NCAM2: variants seen among roughly 807,000 people sequenced by gnomAD.
NCAM2 encodes the protein neural cell adhesion molecule 2.
NCAM2 carries 30 observed loss-of-function variants against 98.1 expected under a neutral mutation model. The observed-to-expected ratio is 0.31, with a 90% CI of 0.23 to 0.41. The LOEUF is 0.41. Among genes scored for constraint, NCAM2 ranks in the 10% least tolerant of loss-of-function variants. The pLI, the probability that NCAM2 is intolerant of heterozygous loss-of-function variation, is 1.00. For synonymous variants in NCAM2, 368 were observed against 342.4 expected (o/e 1.07, Z -0.83); for missense variants, 867 against 1,005.8 (o/e 0.86, Z 1.87).
chr21:21,121,442 G>T (rs1043595646), intron 1 of NCAM2, among the ~76,000 whole-genome samples: 2 of 152,088 alleles, frequency 1.3e-5, no homozygotes, highest in African/African-American at 4.8e-5. Flanking sequence ...AATAATTGAA[G>T]AAATTTTGCA....
At chr21:21,154,015 G>A (rs1266040900) in intron 1 of NCAM2, among the ~76,000 whole-genome samples, 2 of 151,766 alleles carry the variant, frequency 1.3e-5, no homozygotes, top group African/African-American at 4.8e-5. Context: ...TATGTGATAA[G>A]TGAAAAAAAT....
intron 5 of NCAM2, among the ~76,000 whole-genome samples, chr21:21,306,881 C>T (rs1330790227): frequency 6.8e-6 from 1 of 148,040 alleles, no homozygotes; most frequent in Admixed American, 6.8e-5. Flanking sequence ...TATCCTTGTA[C>T]TCTCTGTTCC....
At chr21:21,255,367 G>A (rs1216245660) in intron 1 of NCAM2, among the ~76,000 whole-genome samples, 1 of 152,302 alleles carries the variant, frequency 6.6e-6, no homozygotes, top group Non-Finnish European at 1.5e-5. Context: ...AAGGCTGCCC[G>A]TTTAATAAAG....
chr21:21,100,687 G>A (rs572507105), intron 1 of NCAM2, among the ~76,000 whole-genome samples: 171 of 152,112 alleles, frequency 1.1e-3, no homozygotes, highest in African/African-American at 4.0e-3. Context: ...TGGCTTGTGG[G>A]TGTAGTTGGC....
rs375610481 is a variant in NCAM2, at chr21:21,303,303, A to T, written c.619+11062A>T. On this transcript the variant is annotated intron_variant, in intron 5 of 17. Coordinates refer to ENST00000400546, the MANE Select transcript of NCAM2 (RefSeq NM_004540.5). ...AACTTTATGAAATGCTAAAAAAGAT[A>T]GTGACTATAGTGAATGTATCTATTA... Among the ~76,000 whole-genome samples the T allele has an allele frequency of 1.4e-4, 21 of 152,256 alleles. 1 individual carries two copies. In the South Asian group the frequency reaches 3.9e-3, roughly 29 times the overall value.
intron 1 of NCAM2, among the ~76,000 whole-genome samples, chr21:21,001,878 T>A (rs1429201452): frequency 6.6e-6 from 1 of 152,156 alleles, no homozygotes; most frequent in African/African-American, 2.4e-5. Flanking sequence ...GAAGTGCTAG[T>A]AAGTCATTGT....
chr21:21,149,867 A>C (rs920624809), intron 1 of NCAM2, among the ~76,000 whole-genome samples: 1 of 152,156 alleles, frequency 6.6e-6, no homozygotes, highest in South Asian at 2.1e-4. Context: ...ATAATGTTTC[A>C]ATAAACATAC....
At chr21:21,356,949 A>G (rs929094490) in intron 8 of NCAM2, among the ~76,000 whole-genome samples, 1 of 151,884 alleles carries the variant, frequency 6.6e-6, no homozygotes, top group Non-Finnish European at 1.5e-5. Flanking sequence ...AGATCGCGCC[A>G]TTGCACTCCA....
chr21:21,190,205 TAAA>T (rs1226588131), intron 1 of NCAM2, among the ~76,000 whole-genome samples: 1 of 152,158 alleles, frequency 6.6e-6, no homozygotes, highest in Non-Finnish European at 1.5e-5. Flanking sequence ...CCCTGGCTGT[TAAA>T]AAGTGAATAA....
chr21:21,426,416 G>C (rs112665947), intron 11 of NCAM2, among the ~76,000 whole-genome samples: 1 of 152,046 alleles, frequency 6.6e-6, no homozygotes, highest in Non-Finnish European at 1.5e-5. Flanking sequence ...TTACCAGATA[G>C]AAATTGATGA....
chr21:21,526,844 A>G (rs1053353499), intron 16 of NCAM2, among the ~76,000 whole-genome samples: 3 of 152,144 alleles, frequency 2.0e-5, no homozygotes, highest in African/African-American at 7.2e-5. Flanking sequence ...GTAAACTGAC[A>G]TGTCACACAT....
intron 9 of NCAM2, 70 bp from the exon 10 acceptor site, chr21:21,410,204 C>A: frequency 2.5e-6 from 2 of 804,038 alleles, no homozygotes; most frequent in Non-Finnish European, 1.8e-6. Flanking sequence ...ATAACTAATG[C>A]TTATACTACT....
At chr21:21,415,624 C>T (rs1176577593) in intron 10 of NCAM2, among the ~76,000 whole-genome samples, 1 of 152,196 alleles carries the variant, frequency 6.6e-6, no homozygotes, top group Non-Finnish European at 1.5e-5. Flanking sequence ...CGTGAGCCAC[C>T]TCGCCCGGCC....
intron 12 of NCAM2, among the ~76,000 whole-genome samples, chr21:21,452,971 T>TTTTTATA (rs1981485687): frequency 3.1e-5 from 1 of 32,138 alleles, no homozygotes; most frequent in African/African-American, 9.5e-5. Flanking sequence ...ATATTATATA[T>TTTTTATA]TATTATATAT....
intron 8 of NCAM2, among the ~76,000 whole-genome samples, chr21:21,368,778 A>T (rs1568987166): frequency 6.6e-6 from 1 of 151,834 alleles, no homozygotes; most frequent in Non-Finnish European, 1.5e-5. Flanking sequence ...CAACATATGA[A>T]CTTTGAGGGG....
At chr21:21,205,010 A>G (rs931886373) in intron 1 of NCAM2, among the ~76,000 whole-genome samples, 1 of 152,036 alleles carries the variant, frequency 6.6e-6, no homozygotes, top group Non-Finnish European at 1.5e-5. Context: ...GAGATATTTG[A>G]TGGAAGTTTC....
chr21:21,469,125 A>G (rs1984097677), intron 14 of NCAM2, among the ~76,000 whole-genome samples: 1 of 151,994 alleles, frequency 6.6e-6, no homozygotes, highest in South Asian at 2.1e-4. Context: ...GTCCCTGGCA[A>G]TCATATGTTA....
At chr21:21,067,682 A>G (rs1460518784) in intron 1 of NCAM2, among the ~76,000 whole-genome samples, 2 of 152,182 alleles carry the variant, frequency 1.3e-5, no homozygotes, top group Non-Finnish European at 2.9e-5. Flanking sequence ...ATTACATACA[A>G]TTGTTTTAAA....
Position 21,338,546 on chromosome 21 carries a change from T to C in NCAM2, c.1044+12T>C. ...CTGAAGGCGATAAGGTAACCACATC[T>C]CAATATGTAATGGTTTCCATTACCA... On this transcript the variant is annotated intron_variant, in intron 8 of 17. Transcript: ENST00000400546. 1 of 1,590,208 alleles carries C rather than the reference T, an allele frequency of 6.3e-7. No individual in the cohort carries two copies. The highest frequency in any genetic ancestry group is 2.3e-5 in the East Asian group (1 of 43,928).
Sources: allele counts gnomAD v4.1 joint callset (sites outside exome capture counted in the v4.1 genomes callset), GRCh38; gene constraint gnomAD v4.1.1; transcripts MANE v1.5; gene names NCBI Gene and HGNC (gene_info 2026-07-23, HGNC 2026-07-21).